The following TBC1D32 variants were observed in gnomAD, a reference collection of about 807,000 sequenced individuals.
TBC1D32 encodes the protein TBC1 domain family member 32.
A neutral mutation model predicts 170.3 loss-of-function variants in TBC1D32; 151 were observed. The observed-to-expected ratio is 0.89, with a 90% CI of 0.78 to 1.01. The LOEUF (loss-of-function observed/expected upper bound fraction) is 1.01. TBC1D32 is among the 50% of genes least tolerant of loss of function. The pLI, the probability that TBC1D32 is intolerant of heterozygous loss-of-function variation, is 0.00. For missense variants in TBC1D32, 1,464 were observed against 1,457.1 expected (o/e 1.00, Z -0.08); for synonymous variants, 498 against 488.0 (o/e 1.02, Z -0.27).
At chr6:121,184,643 C>T (rs1327424332) in intron 22 of TBC1D32, among the ~76,000 whole-genome samples, 1 of 151,944 alleles carries the variant, frequency 6.6e-6, no homozygotes, top group African/African-American at 2.4e-5. Flanking sequence ...TGGACCTTTA[C>T]TCCAGCAGGT....
intron 20 of TBC1D32, among the ~76,000 whole-genome samples, chr6:121,225,507 T>C (rs1028142624): frequency 6.6e-6 from 1 of 152,070 alleles, no homozygotes; most frequent in African/African-American, 2.4e-5. Flanking sequence ...ATCACATATA[T>C]CAATAGTATA....
chr6:121,158,466 T>A (rs984570495), intron 24 of TBC1D32, among the ~76,000 whole-genome samples: 7 of 152,156 alleles, frequency 4.6e-5, no homozygotes, highest in Non-Finnish European at 1.0e-4. Flanking sequence ...ATCTCAATGA[T>A]CTTCCTTACC....
In TBC1D32 at chr6:121,132,326, T is replaced by C. The variant is rs190198832; in HGVS notation, c.2774-574A>G. The stretch of plus-strand genomic sequence containing the variant: ...ATCACGTTGAGCTTCGTGTTGTTTC[T>C]CTATAAAGAAAATGAAATTCTCATG... On this transcript the variant is annotated intron_variant, in intron 24 of 31. Transcript: ENST00000398212. Among the ~76,000 whole-genome samples, 37 of 152,118 alleles carry C rather than the reference T, an allele frequency of 2.4e-4. 1 individual carries two copies. The East Asian group carries it at 6.6e-3, about 27-fold the overall frequency.
chr6:121,159,877 A>G, intron 24 of TBC1D32, 133 bp downstream of exon 24: 3 of 568,824 alleles, frequency 5.3e-6, no homozygotes, highest in Non-Finnish European at 9.1e-6. Flanking sequence ...AAAAAATACA[A>G]AGAAATAGGC....
chr6:121,323,176 C>A (rs1363275822), intron 1 of TBC1D32, among the ~76,000 whole-genome samples: 1 of 152,172 alleles, frequency 6.6e-6, no homozygotes, highest in Non-Finnish European at 1.5e-5. Context: ...CATGCAGTCA[C>A]CAACATGTGT....
intron 14 of TBC1D32, among the ~76,000 whole-genome samples, chr6:121,280,567 A>G (rs1185826134): frequency 6.6e-6 from 1 of 151,878 alleles, no homozygotes; most frequent in Non-Finnish European, 1.5e-5. Flanking sequence ...AACTGGGAGG[A>G]AATTTCAAAG....
At chr6:121,222,508 A>C (rs569405183) in intron 21 of TBC1D32, among the ~76,000 whole-genome samples, 1 of 152,320 alleles carries the variant, frequency 6.6e-6, no homozygotes, top group Non-Finnish European at 1.5e-5. Context: ...AAAGTAGACA[A>C]AATTTTTAAA....
At chr6:121,331,375 A>T (rs944013156) in intron 1 of TBC1D32, among the ~76,000 whole-genome samples, 1 of 139,362 alleles carries the variant, frequency 7.2e-6, no homozygotes, top group African/African-American at 2.6e-5. Context: ...TGCCCGGCTA[A>T]TTTTTTTTTT....
chr6:121,090,845 A>G lies in TBC1D32; in HGVS notation c.3654+8T>C, dbSNP rs2128175348. 8 of 1,606,640 alleles carry G rather than the reference A, an allele frequency of 5.0e-6. No individual in the cohort carries two copies. The highest frequency in any genetic ancestry group is 6.8e-6 in the Non-Finnish European group (8 of 1,178,034). ...TCAACATTTTCCTCTCCATATAAAC[A>G]TACTTACTTTTAGGAAAACTTGCAG... On this transcript the variant is annotated splice_region_variant and intron_variant, in intron 31 of 31. Transcript: ENST00000398212.
intron 20 of TBC1D32, among the ~76,000 whole-genome samples, chr6:121,236,557 A>G (rs1383319683): frequency 6.6e-6 from 1 of 152,152 alleles, no homozygotes; most frequent in Non-Finnish European, 1.5e-5. Flanking sequence ...AGAGACTAGA[A>G]GCTGGACTCT....
intron 22 of TBC1D32, among the ~76,000 whole-genome samples, chr6:121,182,959 A>G (rs1235856313): frequency 6.6e-6 from 1 of 152,104 alleles, no homozygotes; most frequent in Non-Finnish European, 1.5e-5. Flanking sequence ...ATTAAAAATC[A>G]TTTAAAGTAA....
At chr6:121,211,132 T>A (rs1381963599) in intron 21 of TBC1D32, among the ~76,000 whole-genome samples, 1 of 151,890 alleles carries the variant, frequency 6.6e-6, no homozygotes, top group Non-Finnish European at 1.5e-5. Flanking sequence ...CATAATGGAC[T>A]ATTATGCAAC....
chr6:121,331,803 A>G (rs1583806303), intron 1 of TBC1D32, among the ~76,000 whole-genome samples: 1 of 152,308 alleles, frequency 6.6e-6, no homozygotes, highest in South Asian at 2.1e-4. Context: ...ACCAAAGTTA[A>G]GCAGCTCCTC....
intron 17 of TBC1D32, among the ~76,000 whole-genome samples, chr6:121,242,540 T>A (rs1484683981): frequency 6.6e-6 from 1 of 152,116 alleles, no homozygotes; most frequent in Non-Finnish European, 1.5e-5. Flanking sequence ...ACATTTTCTA[T>A]ACCTATAATT....
chr6:121,202,683 C>T (rs556848391), intron 22 of TBC1D32, among the ~76,000 whole-genome samples: 35 of 151,072 alleles, frequency 2.3e-4, no homozygotes, highest in Non-Finnish European at 4.1e-4. Flanking sequence ...GAAGGCATGT[C>T]TTCACACTAA....
intron 10 of TBC1D32, among the ~76,000 whole-genome samples, chr6:121,296,110 A>G (rs1805595686): frequency 6.6e-6 from 1 of 152,180 alleles, no homozygotes; most frequent in East Asian, 1.9e-4. Context: ...GGTATATAAC[A>G]TTTCACATAA....
chr6:121,241,446 A>G lies in TBC1D32; in HGVS notation c.2245+19T>C. On this transcript the variant is annotated intron_variant, in intron 19 of 31. Coordinates refer to ENST00000398212, the MANE Select transcript of TBC1D32 (RefSeq NM_152730.6). ...TATCTTTAAAATAATTATAATTCTA[A>G]TGAAAAGAAAACATTTACCTGACTT... 1 of 1,594,658 alleles carries G rather than the reference A, an allele frequency of 6.3e-7. No individual in the cohort carries two copies. The highest frequency in any genetic ancestry group is 1.1e-5 in the South Asian group (1 of 89,018).
chr6:121,277,356 C>A (rs528028165), intron 15 of TBC1D32, among the ~76,000 whole-genome samples: 1 of 151,880 alleles, frequency 6.6e-6, no homozygotes, highest in African/African-American at 2.4e-5. Context: ...GGCATGGTGG[C>A]ATGCACCTGT....
At chr6:121,119,830 T>C (rs934834770) in intron 26 of TBC1D32, among the ~76,000 whole-genome samples, 1 of 152,092 alleles carries the variant, frequency 6.6e-6, no homozygotes, top group Non-Finnish European at 1.5e-5. Context: ...TAACAACAGA[T>C]GGATGATTGT....
Sources: gnomAD v4.1 joint callset for allele counts (sites outside exome capture counted in the v4.1 genomes callset) on GRCh38, gnomAD v4.1.1 for gene constraint, MANE v1.5 for transcripts, NCBI Gene and HGNC (gene_info 2026-07-23, HGNC 2026-07-21) for gene names.